GRIA4: variants seen among roughly 807,000 people sequenced by gnomAD.
GRIA4 encodes the protein glutamate receptor 4.
In GRIA4, 34 loss-of-function variants were observed where a neutral mutation model predicts 104.0. That is an observed-to-expected ratio of 0.33 (90% CI 0.25 to 0.44). GRIA4 has a LOEUF of 0.44. Among genes scored for constraint, GRIA4 ranks in the 20% least tolerant of loss-of-function variants. The pLI is 1.00. For synonymous variants in GRIA4, 386 were observed against 381.9 expected, an observed-to-expected ratio of 1.01 and a Z score of -0.13; for missense variants, 750 against 1,096.5, an observed-to-expected ratio of 0.68 and a Z score of 4.46.
intron 3 of GRIA4, among the ~76,000 whole-genome samples, chr11:105,657,740 T>A (rs2135401982): frequency 6.6e-6 from 1 of 152,112 alleles, no homozygotes; most frequent in African/African-American, 2.4e-5. Flanking sequence ...CACCCAGAAA[T>A]GTTTCTGATT....
At chr11:105,857,629 C>G (rs553392269) in intron 4 of GRIA4, among the ~76,000 whole-genome samples, 1 of 152,196 alleles carries the variant, frequency 6.6e-6, no homozygotes, top group Admixed American at 6.6e-5. Flanking sequence ...CACATTCTCA[C>G]CTCTTCCCAT....
At chr11:105,682,295 A>C (rs1952735628) in intron 3 of GRIA4, among the ~76,000 whole-genome samples, 1 of 152,130 alleles carries the variant, frequency 6.6e-6, no homozygotes, top group Non-Finnish European at 1.5e-5. Flanking sequence ...GTTATAGTGC[A>C]CTGCAGCCTC....
chr11:105,610,524 C>T (rs1813219349), intron 1 of GRIA4, 96 bp downstream of exon 1: 1 of 158,112 alleles, frequency 6.3e-6, no homozygotes. Context: ...GGCAGCGATG[C>T]TCCGGGCTGG....
At chr11:105,636,604 T>G (rs950375211) in intron 3 of GRIA4, among the ~76,000 whole-genome samples, 5 of 152,182 alleles carry the variant, frequency 3.3e-5, no homozygotes, top group African/African-American at 9.7e-5. Context: ...TGTTCCCAGG[T>G]TTTGGAAGTC....
chr11:105,944,624 G>A (rs1948261655), intron 14 of GRIA4, among the ~76,000 whole-genome samples: 1 of 151,904 alleles, frequency 6.6e-6, no homozygotes, highest in Non-Finnish European at 1.5e-5. Flanking sequence ...CTACTATGTA[G>A]CACACCCATA....
At chr11:105,768,339 A>C (rs1306933281) in intron 4 of GRIA4, among the ~76,000 whole-genome samples, 1 of 152,152 alleles carries the variant, frequency 6.6e-6, no homozygotes, top group Non-Finnish European at 1.5e-5. Context: ...AAAGGATGAT[A>C]TTGGCATAAA....
intron 3 of GRIA4, among the ~76,000 whole-genome samples, chr11:105,752,544 G>T (rs1319989540): frequency 3.3e-5 from 5 of 152,226 alleles, no homozygotes; most frequent in Admixed American, 6.5e-5. Context: ...AGGGCAAAAG[G>T]TATTATAAAT....
chr11:105,796,420 C>G (rs980344735), intron 4 of GRIA4, among the ~76,000 whole-genome samples: 1 of 152,136 alleles, frequency 6.6e-6, no homozygotes, highest in Non-Finnish European at 1.5e-5. Flanking sequence ...GAGCTGGCCT[C>G]TCAGAGCATC....
intron 5 of GRIA4, among the ~76,000 whole-genome samples, chr11:105,881,599 T>C (rs1183384163): frequency 6.6e-5 from 10 of 152,112 alleles, no homozygotes; most frequent in Admixed American, 6.6e-4. Flanking sequence ...ATTCCCTTTA[T>C]GGGAAACTCT....
chr11:105,674,838 C>A lies in GRIA4; in HGVS notation c.247+62404C>A, dbSNP rs778300641. On this transcript the variant is annotated intron_variant, in intron 3 of 16. Coordinates refer to ENST00000282499, the MANE Select transcript of GRIA4 (RefSeq NM_000829.4). The stretch of plus-strand genomic sequence containing the variant: ...ACATTTTATTCCATGAAAAATAAAA[C>A]AAATGCAGATTCAAGCAAGAAGTTC... 2.0e-5 allele frequency among the ~76,000 whole-genome samples: 3 copies of A among 151,800 alleles called. No homozygotes were observed. The South Asian group carries it at 6.2e-4, about 31-fold the overall frequency.
chr11:105,959,510 T>C (rs943966648), intron 14 of GRIA4, among the ~76,000 whole-genome samples: 3 of 152,180 alleles, frequency 2.0e-5, no homozygotes, highest in Non-Finnish European at 4.4e-5. Context: ...CTCTAACCTT[T>C]ATCAAGGTTC....
rs1009449815 is a variant in GRIA4, at chr11:105,806,612, G to A, written c.487+53392G>A. 2.0e-5 allele frequency among the ~76,000 whole-genome samples: 3 copies of A among 151,794 alleles called. No homozygotes were observed. In the South Asian group the frequency reaches 6.2e-4, roughly 31 times the overall value. On this transcript the variant is annotated intron_variant, in intron 4 of 16. Coordinates refer to ENST00000282499, the MANE Select transcript of GRIA4 (RefSeq NM_000829.4). Reference sequence around the variant, plus strand: ...AGACTTGCAGACACAAAACAGTTTAGAGAAGATGTGCCATGAAGAAAACAG... The same window carrying A: ...AGACTTGCAGACACAAAACAGTTTAAAGAAGATGTGCCATGAAGAAAACAG...
At chr11:105,922,075 G>T (rs1222707918) in intron 11 of GRIA4, among the ~76,000 whole-genome samples, 1 of 151,950 alleles carries the variant, frequency 6.6e-6, no homozygotes, top group Non-Finnish European at 1.5e-5. Context: ...GAAAAAAATT[G>T]CAACATATAT....
chr11:105,636,633 C>T (rs765809480), intron 3 of GRIA4, among the ~76,000 whole-genome samples: 1 of 152,166 alleles, frequency 6.6e-6, no homozygotes, highest in African/African-American at 2.4e-5. Context: ...AAAGTCTAGC[C>T]TCATTTAATG....
intron 4 of GRIA4, among the ~76,000 whole-genome samples, chr11:105,849,935 C>G (rs1485745763): frequency 6.6e-6 from 1 of 152,146 alleles, no homozygotes; most frequent in Admixed American, 6.5e-5. Context: ...TTCTGTCACA[C>G]TGCAACTAAA....
intron 3 of GRIA4, among the ~76,000 whole-genome samples, chr11:105,641,412 C>G (rs1411816297): frequency 6.6e-6 from 1 of 152,092 alleles, no homozygotes; most frequent in Non-Finnish European, 1.5e-5. Context: ...GTAGCAGAAA[C>G]TTGGGAATAA....
intron 16 of GRIA4, chr11:105,975,055 C>T (rs1401000479): frequency 1.3e-5 from 2 of 153,648 alleles, no homozygotes; most frequent in Non-Finnish European, 2.9e-5. Flanking sequence ...TGAATTTTGG[C>T]TCCTCTTCTA....
At chr11:105,913,521 C>T in intron 10 of GRIA4, 1 of 774,132 alleles carries the variant, frequency 1.3e-6, no homozygotes, top group Non-Finnish European at 1.6e-6. Context: ...ATTGATTTAA[C>T]TTTTTGTATT....
chr11:105,947,852 A>C (rs370397024), intron 14 of GRIA4, among the ~76,000 whole-genome samples: 28 of 152,292 alleles, frequency 1.8e-4, no homozygotes, highest in East Asian at 1.7e-3. Context: ...TGGGTGTTAG[A>C]ATATATTTCT....
Sources: allele counts gnomAD v4.1 joint callset (sites outside exome capture counted in the v4.1 genomes callset), GRCh38; gene constraint gnomAD v4.1.1; transcripts MANE v1.5; gene names NCBI Gene and HGNC (gene_info 2026-07-23, HGNC 2026-07-21).